Variants in FGD5 observed in about 807,000 individuals in gnomAD.
FGD5 encodes the protein FYVE, RhoGEF and PH domain containing 5.
In FGD5, 28 loss-of-function variants were observed where a neutral mutation model predicts 133.4. The ratio of observed to expected loss-of-function variants is 0.21; its 90% confidence interval spans 0.16 to 0.29. The LOEUF (loss-of-function observed/expected upper bound fraction) is 0.29. FGD5 is among the 10% of genes least tolerant of loss of function. The probability of loss-of-function intolerance (pLI) is 1.00; values close to 1 mark genes in which losing one functional copy is unlikely to be tolerated. For missense variants in FGD5, 1,858 were observed against 1,895.2 expected (o/e 0.98, Z 0.36); for synonymous variants, 810 against 776.5 (o/e 1.04, Z -0.72).
intron 18 of FGD5, among the ~76,000 whole-genome samples, chr3:14,927,780 C>G (rs2038833713): frequency 6.6e-6 from 1 of 151,944 alleles, no homozygotes; most frequent in African/African-American, 2.4e-5. Flanking sequence ...CTGTTTGTTT[C>G]AAGACAGGGT....
chr3:14,868,192 A>G (rs958063996), intron 2 of FGD5, among the ~76,000 whole-genome samples: 96 of 151,984 alleles, frequency 6.3e-4, no homozygotes, highest in African/African-American at 1.5e-3. Flanking sequence ...CTCCCTGACA[A>G]TGAGTCTAAT....
At chr3:14,885,142 G>A (rs548549725) in intron 4 of FGD5, among the ~76,000 whole-genome samples, 81 of 150,658 alleles carry the variant, frequency 5.4e-4, no homozygotes, top group African/African-American at 1.4e-3. Flanking sequence ...TCCCACGTTC[G>A]CCCCCTTTGT....
chr3:14,852,099 A>G (rs2037175235), intron 1 of FGD5, among the ~76,000 whole-genome samples: 2 of 152,242 alleles, frequency 1.3e-5, no homozygotes, highest in Non-Finnish European at 2.9e-5. Context: ...ACTTCTAGGT[A>G]TATACCCAAG....
chr3:14,814,879 G>A (rs2036346592), upstream of FGD5, among the ~76,000 whole-genome samples: 1 of 152,142 alleles, frequency 6.6e-6, no homozygotes, highest in Non-Finnish European at 1.5e-5. Context: ...AAACCTTGGT[G>A]TCGTTCTTGA....
At chr3:14,877,612 A>T (rs2037744788) in intron 2 of FGD5, among the ~76,000 whole-genome samples, 1 of 152,134 alleles carries the variant, frequency 6.6e-6, no homozygotes, top group Admixed American at 6.5e-5. Flanking sequence ...TTGGGGGAGG[A>T]TCCAGGCATC....
intron 11 of FGD5, among the ~76,000 whole-genome samples, chr3:14,914,245 T>C (rs968797738): frequency 2.0e-5 from 3 of 152,252 alleles, no homozygotes; most frequent in African/African-American, 7.2e-5. Flanking sequence ...TAATCTGAAC[T>C]GCAGAACAGA....
chr3:14,829,229 C>T (rs1451321497), intron 1 of FGD5, among the ~76,000 whole-genome samples: 1 of 152,084 alleles, frequency 6.6e-6, no homozygotes, highest in Non-Finnish European at 1.5e-5. Flanking sequence ...GTTGGGAAGG[C>T]AGGGTGGGCC....
intron 2 of FGD5, among the ~76,000 whole-genome samples, chr3:14,877,717 C>T (rs991802429): frequency 6.6e-6 from 1 of 152,138 alleles, no homozygotes; most frequent in South Asian, 2.1e-4. Context: ...GCCCAGGCTG[C>T]TCTGATGTGT....
chr3:14,929,885 G>A (rs1244995248), intron 18 of FGD5, among the ~76,000 whole-genome samples: 1 of 152,174 alleles, frequency 6.6e-6, no homozygotes, highest in Non-Finnish European at 1.5e-5. Context: ...CTTTGTCAGT[G>A]TTTCCTTTTA....
At chr3:14,869,393 C>A (rs1242348526) in intron 2 of FGD5, among the ~76,000 whole-genome samples, 1 of 152,178 alleles carries the variant, frequency 6.6e-6, no homozygotes, top group Non-Finnish European at 1.5e-5. Context: ...GCATCTTAGA[C>A]ACAGAATGCC....
At chr3:14,868,825 G>A (rs905280093) in intron 2 of FGD5, among the ~76,000 whole-genome samples, 1 of 152,142 alleles carries the variant, frequency 6.6e-6, no homozygotes, top group African/African-American at 2.4e-5. Flanking sequence ...CTCTGTGCCT[G>A]GCTCATTGTC....
intron 11 of FGD5, among the ~76,000 whole-genome samples, chr3:14,911,628 C>G (rs1167264388): frequency 6.6e-6 from 1 of 151,958 alleles, no homozygotes; most frequent in Non-Finnish European, 1.5e-5. Context: ...CGAGCTCTCT[C>G]TGTTCCAGGC....
At position 14,828,363 on chromosome 3, in the gene FGD5, C is replaced by T. The variant is rs182366449; in HGVS notation, c.2525+6767C>T. On this transcript the variant is annotated intron_variant, in intron 1 of 19. Transcript: ENST00000285046. ...TGGAGGCAGGAGAAAGAGGAGAGAA[C>T]GTACAAGAAATAAGACTCCAATGAA... 8.7e-4 allele frequency among the ~76,000 whole-genome samples: 132 copies of T among 152,208 alleles called. 1 individual carries two copies. Among genetic ancestry groups the T allele is most frequent in the African/African-American group, 3.1e-3 (127 of 41,492 alleles).
intron 17 of FGD5, among the ~76,000 whole-genome samples, chr3:14,925,111 A>G (rs1318154199): frequency 6.6e-6 from 1 of 150,560 alleles, no homozygotes; most frequent in Non-Finnish European, 1.5e-5. Context: ...AAAAAAAAAA[A>G]AAAAAAAAAA....
rs142249080 is a variant in FGD5 at position 14,858,132 on chromosome 3, T to C, written c.2526-5996T>C. On this transcript the variant is annotated intron_variant, in intron 1 of 19. Transcript: ENST00000285046. ...ACTTCACTCTGTACTCTCTCTGGGC[T>C]CAGAAGTAATTTGCACTGTACTGTG... 4.7e-4 allele frequency among the ~76,000 whole-genome samples: 71 copies of C among 152,226 alleles called. 1 individual carries two copies. The East Asian group carries it at 0.012, about 26-fold the overall frequency.
chr3:14,916,958 G>C (rs748223771), intron 11 of FGD5, among the ~76,000 whole-genome samples: 1 of 152,200 alleles, frequency 6.6e-6, no homozygotes, highest in Non-Finnish European at 1.5e-5. Flanking sequence ...TTCACCTGCA[G>C]ATAGACATTG....
At chr3:14,841,647 C>A (rs1311919161) in intron 1 of FGD5, among the ~76,000 whole-genome samples, 2 of 151,496 alleles carry the variant, frequency 1.3e-5, no homozygotes, top group Non-Finnish European at 2.9e-5. Context: ...GACAATTGTC[C>A]TTTCTCCCCT....
In FGD5 at chr3:14,821,199, A is replaced by G. The variant is rs1054532381; in HGVS notation, c.2128A>G (p.Thr710Ala). 2 of 1,613,900 alleles carry G rather than the reference A, an allele frequency of 1.2e-6. No homozygotes were observed. The highest frequency in any genetic ancestry group is 1.7e-6 in the Non-Finnish European group (2 of 1,179,878). The stretch of plus-strand genomic sequence containing the variant: ...CAACTCCCCTCAGCTTAAGTCTCGG[A>G]CTGGGAAGCTCCGGGCTTCTGAATC... ...LSNSPQLKSR[T>A]GKLRASESPS... The change falls in exon 1 of 20, where the codon ACT becomes GCT. Residue 710 changes from threonine (T) to alanine (A), a missense_variant. This residue lies in a region of FGD5 where 1,824 missense variants were observed against 1,848.9 expected (regional missense o/e 0.99). Coordinates refer to ENST00000285046, the MANE Select transcript of FGD5 (RefSeq NM_152536.4).
At chr3:14,894,505 CTTTTTTTTT>C (rs55912541) in intron 4 of FGD5, among the ~76,000 whole-genome samples, 1 of 127,222 alleles carries the variant, frequency 7.9e-6, no homozygotes. Context: ...TTTGTTAGTT[CTTTTTTTTT>C]TTTTTTTTTT....
Sources: allele counts gnomAD v4.1 joint callset (sites outside exome capture counted in the v4.1 genomes callset), GRCh38; gene constraint gnomAD v4.1.1; regional missense constraint gnomAD v4.1.1; transcripts MANE v1.5; gene names NCBI Gene and HGNC (gene_info 2026-07-23, HGNC 2026-07-21).